DNAH14: variants seen among roughly 807,000 people sequenced by gnomAD.
The protein encoded by DNAH14 is dynein axonemal heavy chain 14, also known as axonemal beta dynein heavy chain 14.
DNAH14 carries 478 observed loss-of-function variants against 520.9 expected under a neutral mutation model. That is an observed-to-expected ratio of 0.92 (90% CI 0.85 to 0.99). DNAH14 has a LOEUF of 0.99. DNAH14 is among the 50% of genes least tolerant of loss of function. The pLI is 0.00. For synonymous variants in DNAH14, 1,581 were observed against 1,757.2 expected (o/e 0.90, Z 2.51); for missense variants, 4,831 against 5,234.5 (o/e 0.92, Z 2.38).
chr1:225,378,033 A>G (rs1451718469), intron 79 of DNAH14, among the ~76,000 whole-genome samples: 2 of 152,122 alleles, frequency 1.3e-5, no homozygotes, highest in Non-Finnish European at 2.9e-5. Flanking sequence ...AAAATCATAA[A>G]TCAGTTTCTC....
chr1:225,076,964 C>A (rs1250940804), intron 17 of DNAH14, among the ~76,000 whole-genome samples: 2 of 152,086 alleles, frequency 1.3e-5, no homozygotes, highest in Non-Finnish European at 2.9e-5. Context: ...ACCCAACAGG[C>A]CCCGGTGTGT....
chr1:225,169,809 C>T (rs1297465959), intron 36 of DNAH14, among the ~76,000 whole-genome samples: 1 of 152,110 alleles, frequency 6.6e-6, no homozygotes, highest in African/African-American at 2.4e-5. Context: ...CTCCAAGACA[C>T]ATAATTGTCA....
chr1:224,935,764 A>G lies in DNAH14; in HGVS notation c.-34+5929A>G, dbSNP rs552938160. Among the ~76,000 whole-genome samples, 5 of 151,960 alleles carry G rather than the reference A, an allele frequency of 3.3e-5. No homozygotes were observed. In the East Asian group the frequency reaches 5.8e-4, roughly 18 times the overall value. On this transcript the variant is annotated intron_variant, in intron 1 of 85. Coordinates refer to ENST00000682510, the MANE Select transcript of DNAH14 (RefSeq NM_001367479.1). ...TCTGTCCAACAATTGCAGAATATAT[A>G]TTCTTATTAGCACATGGAATGTTCT...
intron 41 of DNAH14, among the ~76,000 whole-genome samples, chr1:225,219,529 C>G (rs777378961): frequency 1.1e-4 from 17 of 152,120 alleles, no homozygotes; most frequent in Non-Finnish European, 1.9e-4. Context: ...ACTATAAACA[C>G]CTCTATGCAA....
At chr1:225,045,323 G>A (rs2456352) in intron 15 of DNAH14, among the ~76,000 whole-genome samples, 137,846 of 151,766 alleles carry the variant, frequency 0.91, 64,019 homozygotes, top group East Asian at 1. Context: ...AGTTGGAAGC[G>A]TAGTACAGAG....
chr1:225,051,786 T>A lies in DNAH14; in HGVS notation c.2415T>A (p.Asn805Lys). ...CTGTAATTGAAAAAAAGAACAAAAA[T>A]TTATTGGAAGTAAGTATTTTGAAAA... is the stretch of plus-strand genomic sequence containing the variant. ...IQSVIEKKNKNLLEVVESSLQ... is the reference protein window; with the variant it reads ...IQSVIEKKNKKLLEVVESSLQ... The change falls in exon 17 of 86, where the codon AAT becomes AAA. Residue 805 changes from asparagine to lysine, a missense_variant. Coordinates refer to ENST00000682510, the MANE Select transcript of DNAH14 (RefSeq NM_001367479.1). The A allele has an allele frequency of 6.7e-7, 1 of 1,490,870 alleles. No homozygotes were observed. 92.4% of individuals were successfully genotyped at this position (1,490,870 alleles called of 1,614,324 possible).
chr1:225,353,653 T>A, intron 72 of DNAH14, 150 bp from the exon 73 acceptor site: 1 of 585,602 alleles, frequency 1.7e-6, no homozygotes, highest in African/African-American at 1.9e-5. Flanking sequence ...GCCTCAAAGC[T>A]TATAGAAATA....
intron 72 of DNAH14, among the ~76,000 whole-genome samples, chr1:225,352,809 T>C (rs1049461862): frequency 2.0e-5 from 3 of 152,098 alleles, no homozygotes; most frequent in African/African-American, 7.2e-5. Context: ...GTCAATTATG[T>C]CTATTTTCTT....
chr1:225,016,575 A>G (rs1324430454), intron 10 of DNAH14, among the ~76,000 whole-genome samples: 4 of 152,084 alleles, frequency 2.6e-5, no homozygotes, highest in African/African-American at 4.8e-5. Flanking sequence ...TTAGACCTGG[A>G]TGTTCATTTC....
chr1:225,151,917 T>G, intron 31 of DNAH14, 88 bp from the exon 32 acceptor site: 2 of 1,087,938 alleles, frequency 1.8e-6, no homozygotes, highest in Non-Finnish European at 2.8e-6. Flanking sequence ...AACACAGCCT[T>G]AATAAAGCTT....
At chr1:225,017,062 GC>G (rs1473560074) in intron 10 of DNAH14, among the ~76,000 whole-genome samples, 4 of 151,898 alleles carry the variant, frequency 2.6e-5, no homozygotes, top group Non-Finnish European at 5.9e-5. Flanking sequence ...TATGACTGGG[GC>G]CTGTTACTAC....
intron 17 of DNAH14, among the ~76,000 whole-genome samples, chr1:225,062,518 G>A (rs2070297991): frequency 6.7e-6 from 1 of 148,780 alleles, no homozygotes; most frequent in Admixed American, 6.8e-5. Context: ...GAAATTTTTA[G>A]GGCAGAGTCC....
intron 3 of DNAH14, among the ~76,000 whole-genome samples, chr1:224,957,034 A>C (rs1010849191): frequency 6.6e-6 from 1 of 152,166 alleles, no homozygotes; most frequent in Non-Finnish European, 1.5e-5. Flanking sequence ...GGTTCTAAGC[A>C]AGGAGTTAAT....
At chr1:225,306,019 G>A (rs760237046) in intron 58 of DNAH14, among the ~76,000 whole-genome samples, 50 of 152,180 alleles carry the variant, frequency 3.3e-4, no homozygotes, top group Non-Finnish European at 6.5e-4. Context: ...TGCATCAAGA[G>A]GTATTGGCCA....
At position 225,051,656 on chromosome 1, in the gene DNAH14, T is replaced by C. The variant is rs764923069; in HGVS notation, c.2285T>C (p.Ile762Thr). The change falls in exon 17 of 86, where the codon ATT (isoleucine) becomes ACT (threonine). Residue 762 changes from isoleucine to threonine, a missense_variant. Coordinates refer to ENST00000682510, the MANE Select transcript of DNAH14 (RefSeq NM_001367479.1). ...TTTAGACATATTGTGAATATGGCCA[T>C]TGAGAAGCGTATTGGTATTTTCAAC... ...NYFRHIVNMA[I>T]EKRIGIFNVV... 3 of 1,551,212 alleles carry C rather than the reference T, an allele frequency of 1.9e-6. No homozygotes were observed. In the South Asian group the frequency reaches 3.6e-5, roughly 18 times the overall value.
chr1:225,097,231 A>T lies in DNAH14; in HGVS notation c.3687A>T (p.Glu1229Asp). 3.9e-6 allele frequency: 6 copies of T among 1,550,034 alleles called. No homozygotes were observed. The highest frequency in any genetic ancestry group is 5.2e-6 in the Non-Finnish European group (6 of 1,146,214). The change falls in exon 22 of 86, where the codon GAA becomes GAT. Residue 1229 changes from glutamate to aspartate, a missense_variant. By Grantham distance (45) the Glu-to-Asp change is conservative. Coordinates refer to ENST00000682510, the MANE Select transcript of DNAH14 (RefSeq NM_001367479.1). ...TTGAACCAGTCTTTCATTCTTCAGA[A>T]ATACGAAGGTAAAATACCTAAAATA... ...LYLEPVFHSS[E>D]IRRQLPAETE...
intron 69 of DNAH14, 65 bp downstream of exon 69, chr1:225,340,766 A>C (rs1387988920): frequency 1.4e-6 from 2 of 1,463,334 alleles, no homozygotes; most frequent in Non-Finnish European, 1.8e-6. Flanking sequence ...AGTTATAAGA[A>C]CCAAATTTTG....
intron 1 of DNAH14, 26 bp downstream of exon 1, chr1:224,929,861 A>AGCGGCG: frequency 1.5e-6 from 1 of 656,736 alleles, no homozygotes; most frequent in Non-Finnish European, 2.8e-6. Context: ...TCTTCCTGTC[A>AGCGGCG]GCGGTCGGCA....
rs2063921005 is a variant in DNAH14 at position 225,003,500 on chromosome 1, G to A, written c.975+573G>A. On this transcript the variant is annotated intron_variant, in intron 9 of 85. Transcript: ENST00000682510. ...TAGAGTTATCTAGACTAAGAAAGAG[G>A]AATTGTTAAGGGGCTTAGACAAGTT... is the stretch of plus-strand genomic sequence containing the variant. 1.3e-5 allele frequency among the ~76,000 whole-genome samples: 2 copies of A among 152,018 alleles called. 1 individual carries two copies. Among genetic ancestry groups the A allele is most frequent in the Non-Finnish European group, 2.9e-5 (2 of 67,920 alleles).
Sources: allele counts gnomAD v4.1 joint callset (sites outside exome capture counted in the v4.1 genomes callset), GRCh38; gene constraint gnomAD v4.1.1; transcripts MANE v1.5; gene names NCBI Gene and HGNC (gene_info 2026-07-23, HGNC 2026-07-21).